CTNND2: variants seen among roughly 807,000 people sequenced by gnomAD.
CTNND2 encodes catenin delta 2.
CTNND2 carries 22 observed loss-of-function variants against 144.4 expected under a neutral mutation model. The observed-to-expected ratio is 0.15, with a 90% CI of 0.11 to 0.22. The LOEUF (loss-of-function observed/expected upper bound fraction) is 0.22, where lower values mean the gene tolerates loss of function less well. Among genes scored for constraint, CTNND2 ranks in the 10% least tolerant of loss-of-function variants. CTNND2 has a pLI of 1.00. For synonymous variants in CTNND2, 751 were observed against 695.6 expected (o/e 1.08, Z -1.25); for missense variants, 1,353 against 1,618.8 (o/e 0.84, Z 2.82).
chr5:11,150,827 T>C (rs1219825008), intron 12 of CTNND2, among the ~76,000 whole-genome samples: 1 of 152,096 alleles, frequency 6.6e-6, no homozygotes, highest in Admixed American at 6.5e-5. Context: ...GGTTTCACCA[T>C]GTTGGTCAGG....
chr5:11,093,373 T>G (rs1405527550), intron 15 of CTNND2, among the ~76,000 whole-genome samples: 4 of 151,596 alleles, frequency 2.6e-5, no homozygotes, highest in African/African-American at 9.7e-5. Flanking sequence ...ACAAACAAAA[T>G]CACTGTACTA....
At chr5:11,012,305 G>T (rs1272262087) in intron 18 of CTNND2, among the ~76,000 whole-genome samples, 1 of 152,098 alleles carries the variant, frequency 6.6e-6, no homozygotes, top group Non-Finnish European at 1.5e-5. Context: ...TTAACACAAA[G>T]GTCAAGGAAA....
chr5:11,506,201 G>A (rs954518471), intron 3 of CTNND2, among the ~76,000 whole-genome samples: 2 of 152,160 alleles, frequency 1.3e-5, no homozygotes, highest in African/African-American at 4.8e-5. Flanking sequence ...TATCATAGGA[G>A]ATTGGCCAAT....
intron 1 of CTNND2, among the ~76,000 whole-genome samples, chr5:11,839,493 TTAACTAAGTG>T (rs1440248062): frequency 6.6e-6 from 1 of 152,116 alleles, no homozygotes; most frequent in Non-Finnish European, 1.5e-5. Flanking sequence ...TTACCTGGAC[TTAACTAAGTG>T]GATTTCACTT....
intron 9 of CTNND2, among the ~76,000 whole-genome samples, chr5:11,250,244 A>G (rs1422282847): frequency 6.6e-6 from 1 of 152,102 alleles, no homozygotes; most frequent in Non-Finnish European, 1.5e-5. Flanking sequence ...TATCTGTACA[A>G]CTGAATACAT....
chr5:11,128,978 TAA>T (rs1380507710), intron 12 of CTNND2, among the ~76,000 whole-genome samples: 1 of 41,696 alleles, frequency 2.4e-5, no homozygotes, highest in African/African-American at 6.9e-5. Context: ...ATATAATATA[TAA>T]ATATATATAA....
intron 3 of CTNND2, among the ~76,000 whole-genome samples, chr5:11,434,663 T>G (rs1278574910): frequency 6.6e-6 from 1 of 152,310 alleles, no homozygotes; most frequent in African/African-American, 2.4e-5. Flanking sequence ...AAGGGGTATG[T>G]GGTAAATCAA....
intron 18 of CTNND2, among the ~76,000 whole-genome samples, chr5:11,017,765 TG>T (rs1741781934): frequency 6.6e-6 from 1 of 152,112 alleles, no homozygotes; most frequent in Non-Finnish European, 1.5e-5. Context: ...TAAGACCCTG[TG>T]AGCACAGGTC....
intron 3 of CTNND2, among the ~76,000 whole-genome samples, chr5:11,563,165 C>T (rs532614532): frequency 6.6e-6 from 1 of 152,318 alleles, no homozygotes; most frequent in South Asian, 2.1e-4. Context: ...AAACAGTTCC[C>T]TAGACCCATT....
intron 16 of CTNND2, among the ~76,000 whole-genome samples, chr5:11,077,991 C>T (rs1749124691): frequency 6.6e-6 from 1 of 152,116 alleles, no homozygotes; most frequent in South Asian, 2.1e-4. Context: ...TGGTTGTGGA[C>T]ATGCTATATT....
chr5:11,508,050 T>C (rs1285627292), intron 3 of CTNND2, among the ~76,000 whole-genome samples: 2 of 152,028 alleles, frequency 1.3e-5, no homozygotes, highest in African/African-American at 2.4e-5. Context: ...ATTCACTATA[T>C]ATTACATCTC....
At chr5:11,233,823 C>T in intron 10 of CTNND2, among the ~76,000 whole-genome samples, 1 of 152,036 alleles carries the variant, frequency 6.6e-6, no homozygotes, top group Non-Finnish European at 1.5e-5. Flanking sequence ...GAAGCTTCCT[C>T]TGTGTTTTAT....
chr5:11,262,823 T>C (rs1469640192), intron 9 of CTNND2, among the ~76,000 whole-genome samples: 3 of 150,792 alleles, frequency 2.0e-5, no homozygotes, highest in Admixed American at 6.6e-5. Flanking sequence ...GTTGAAATTG[T>C]GTTCTTTGCC....
At chr5:11,101,777 A>G (rs548956768) in intron 14 of CTNND2, among the ~76,000 whole-genome samples, 1 of 152,340 alleles carries the variant, frequency 6.6e-6, no homozygotes, top group East Asian at 1.9e-4. Context: ...GTCAGGAGAG[A>G]GAATTTTCTA....
intron 6 of CTNND2, among the ~76,000 whole-genome samples, chr5:11,386,748 G>T (rs990817700): frequency 6.6e-6 from 1 of 152,172 alleles, no homozygotes; most frequent in African/African-American, 2.4e-5. Flanking sequence ...GTTCAATGTT[G>T]TGTCCCCAGC....
intron 3 of CTNND2, among the ~76,000 whole-genome samples, chr5:11,420,358 G>A (rs541259334): frequency 6.6e-6 from 1 of 152,180 alleles, no homozygotes; most frequent in Non-Finnish European, 1.5e-5. Context: ...CCTGACATTT[G>A]ATTCTAACCT....
chr5:11,420,098 G>C (rs941969424), intron 3 of CTNND2, among the ~76,000 whole-genome samples: 1 of 152,132 alleles, frequency 6.6e-6, no homozygotes, highest in Non-Finnish European at 1.5e-5. Flanking sequence ...GCCGAGGCGG[G>C]CGATCACAAG....
At chr5:11,489,907 A>T (rs1769227769) in intron 3 of CTNND2, among the ~76,000 whole-genome samples, 1 of 152,166 alleles carries the variant, frequency 6.6e-6, no homozygotes, top group Non-Finnish European at 1.5e-5. Context: ...TATTGTATTT[A>T]TTCCAATGCC....
Position 11,637,445 on chromosome 5 carries a change from T to G in CTNND2, c.175-72389A>C, listed in dbSNP as rs1038877968. ...TCTTGTGAATATGGAAAATAATACC[T>G]TGCACTTAATTTCCCTCCAATTACT... On this transcript the variant is annotated intron_variant, in intron 2 of 21. Coordinates refer to ENST00000304623, the MANE Select transcript of CTNND2 (RefSeq NM_001332.4). Among the ~76,000 whole-genome samples, 18 of 152,322 alleles carry G rather than the reference T, an allele frequency of 1.2e-4. No homozygotes were observed. In the East Asian group the frequency reaches 2.3e-3, roughly 20 times the overall value.
Sources: gnomAD v4.1 joint callset for allele counts (sites outside exome capture counted in the v4.1 genomes callset) on GRCh38, gnomAD v4.1.1 for gene constraint, MANE v1.5 for transcripts, NCBI Gene and HGNC (gene_info 2026-07-23, HGNC 2026-07-21) for gene names.